NDUFA9: variants seen among roughly 807,000 people sequenced by gnomAD.
The protein encoded by NDUFA9 is NADH:ubiquinone oxidoreductase subunit A9, also known as NADH dehydrogenase [ubiquinone] 1 alpha subcomplex subunit 9, mitochondrial.
NDUFA9 carries 23 observed loss-of-function variants against 45.9 expected under a neutral mutation model. The observed-to-expected ratio is 0.50, with a 90% CI of 0.36 to 0.71. NDUFA9 has a LOEUF of 0.71. Ranked by LOEUF, NDUFA9 falls within the 30% of genes least tolerant of loss-of-function variation. The probability of loss-of-function intolerance (pLI) is 0.00; values close to 1 mark genes in which losing one functional copy is unlikely to be tolerated. For synonymous variants in NDUFA9, 176 were observed against 170.5 expected (o/e 1.03, Z -0.25); for missense variants, 466 against 488.2 (o/e 0.95, Z 0.43).
rs968058910 is a variant in NDUFA9 at position 4,691,345 on chromosome 12, C to T, written c.*4237C>T. ...TTTCCTGACTTAATAAAATAGCTGC[C>T]GTTCCTGAGAAGGAGGGATTCCTAT... On this transcript the variant is annotated 3_prime_UTR_variant, in exon 11 of 11. Transcript: ENST00000266544. 2.6e-5 allele frequency: 4 copies of T among 152,194 alleles called. No homozygotes were observed. The highest frequency in any genetic ancestry group is 4.4e-5 in the Non-Finnish European group (3 of 68,040). 9.4% of individuals were successfully genotyped at this position (152,194 alleles called of 1,614,324 possible).
chr12:4,669,186 T>TAG (rs1414693701), intron 7 of NDUFA9, among the ~76,000 whole-genome samples: 1 of 152,256 alleles, frequency 6.6e-6, no homozygotes, highest in Non-Finnish European at 1.5e-5. Flanking sequence ...TTCTAGCCAC[T>TAG]AGACGCCAGT....
intron 8 of NDUFA9, among the ~76,000 whole-genome samples, chr12:4,676,968 A>G (rs1460823887): frequency 1.3e-5 from 2 of 152,222 alleles, no homozygotes; most frequent in Non-Finnish European, 2.9e-5. Flanking sequence ...GACCAATGGG[A>G]CAGAACAGAG....
chr12:4,678,582 A>G (rs921227436), intron 8 of NDUFA9, among the ~76,000 whole-genome samples: 1 of 152,226 alleles, frequency 6.6e-6, no homozygotes, highest in Non-Finnish European at 1.5e-5. Flanking sequence ...TAGAATATAC[A>G]AAGAAATCTT....
At position 4,662,635 on chromosome 12, in the gene NDUFA9, A is replaced by G. The variant is rs767347095; in HGVS notation, c.655A>G (p.Ser219Gly). ...GGATAGATTCCTTAATTCTTTTGCAAGTACGTATTCTTTCTTAATGGTAGA... is the reference window on the plus strand; with the variant it reads ...GGATAGATTCCTTAATTCTTTTGCAGGTACGTATTCTTTCTTAATGGTAGA... ...REDRFLNSFA[S>G]MHRFGPIPLG... The change falls in exon 6 of 11, where the codon AGT (serine) becomes GGT (glycine). Residue 219 changes from serine (S) to glycine (G), a missense_variant and splice_region_variant. Ser to Gly is a moderately conservative substitution (Grantham distance 56). Transcript: ENST00000266544. 8.7e-6 allele frequency: 14 copies of G among 1,610,208 alleles called. No individual in the cohort carries two copies. The highest frequency in any genetic ancestry group is 1.2e-5 in the Non-Finnish European group (14 of 1,176,662).
At chr12:4,653,104 A>G (rs1438870927) in intron 1 of NDUFA9, among the ~76,000 whole-genome samples, 1 of 152,284 alleles carries the variant, frequency 6.6e-6, no homozygotes, top group Non-Finnish European at 1.5e-5. Flanking sequence ...TACTTACATG[A>G]AAGTTGAGCA....
rs991493101 is a variant in NDUFA9, at chr12:4,694,182, T to C, written c.*7074T>C. Reference sequence around the variant, plus strand: ...TAGACGTGTACATTGTGTCTTAGCGTAGATTCACCCGACCTCCTTCCCCAG... The same window carrying C: ...TAGACGTGTACATTGTGTCTTAGCGCAGATTCACCCGACCTCCTTCCCCAG... On this transcript the variant is annotated 3_prime_UTR_variant, in exon 11 of 11. Transcript: ENST00000266544. The C allele has an allele frequency of 1.3e-5, 2 of 152,234 alleles. No homozygotes were observed. Among genetic ancestry groups the C allele is most frequent in the African/African-American group, 4.8e-5 (2 of 41,462 alleles). 9.4% of individuals were successfully genotyped at this position (152,234 alleles called of 1,614,324 possible).
Position 4,689,082 on chromosome 12 carries a change from A to G in NDUFA9, c.*1974A>G, listed in dbSNP as rs1946004471. 6.6e-6 allele frequency: 1 copy of G among 152,188 alleles called. No homozygotes were observed. Among genetic ancestry groups the G allele is most frequent in the Non-Finnish European group, 1.5e-5 (1 of 68,032 alleles). The allele number at this position is 152,188 out of a possible 1,614,324, so 9.4% of individuals were successfully genotyped here. ...TGTAATTGGGATATCCATCACCTTA[A>G]ACATTTACCTTTATGCTAGTAACAT... On this transcript the variant is annotated 3_prime_UTR_variant, in exon 11 of 11. Coordinates refer to ENST00000266544, the MANE Select transcript of NDUFA9 (RefSeq NM_005002.5).
intron 1 of NDUFA9, 58 bp downstream of exon 1, chr12:4,649,233 T>A: frequency 1.9e-6 from 3 of 1,558,758 alleles, no homozygotes. Context: ...GGATTTAAGG[T>A]TTTGGAAGTG....
At chr12:4,659,337 A>ATGTTTTGT (rs1945810342) in intron 5 of NDUFA9, among the ~76,000 whole-genome samples, 160 bp downstream of exon 5, 1 of 146,092 alleles carries the variant, frequency 6.8e-6, no homozygotes, top group Admixed American at 6.9e-5. Context: ...TGATGTTTTG[A>ATGTTTTGT]CGTTTTGATT....
At chr12:4,685,878 T>A (rs3835026) in intron 10 of NDUFA9, among the ~76,000 whole-genome samples, 30,894 of 152,162 alleles carry the variant, frequency 0.2, 3,548 homozygotes, top group South Asian at 0.46. Context: ...CAAAATAAAA[T>A]AAAAATACTA....
intron 8 of NDUFA9, among the ~76,000 whole-genome samples, chr12:4,673,375 G>A (rs1485241088): frequency 2.0e-5 from 3 of 151,964 alleles, no homozygotes; most frequent in East Asian, 1.9e-4. Context: ...TGAGTTTGAC[G>A]ATTTGACAGA....
intron 6 of NDUFA9, among the ~76,000 whole-genome samples, chr12:4,665,270 C>A (rs1945846602): frequency 6.6e-6 from 1 of 152,230 alleles, no homozygotes; most frequent in African/African-American, 2.4e-5. Flanking sequence ...CAGCCCCTGG[C>A]AACTACCATT....
chr12:4,660,013 A>C (rs1295724961), intron 5 of NDUFA9, among the ~76,000 whole-genome samples: 1 of 152,220 alleles, frequency 6.6e-6, no homozygotes, highest in African/African-American at 2.4e-5. Flanking sequence ...TCATAAAATC[A>C]TCAGAATTTC....
rs1946015252 is a variant in NDUFA9, at chr12:4,690,844, A to C, written c.*3736A>C. ...AAACTCCATAGAAAACGGATTTTTA[A>C]AGCTGCATCTTGATGTTAACCTGCT... On this transcript the variant is annotated 3_prime_UTR_variant, in exon 11 of 11. Coordinates refer to ENST00000266544, the MANE Select transcript of NDUFA9 (RefSeq NM_005002.5). 1 of 152,234 alleles carries C rather than the reference A, an allele frequency of 6.6e-6. No homozygotes were observed. Among genetic ancestry groups the C allele is most frequent in the Non-Finnish European group, 1.5e-5 (1 of 68,042 alleles). 9.4% of individuals were successfully genotyped at this position (152,234 alleles called of 1,614,324 possible).
rs1297093188 is a variant in NDUFA9, at chr12:4,682,260, A to G, written c.856A>G (p.Arg286Gly). ...GAAGTACATCTTTGCTGTGGCTCAC[A>G]GATTGTTCCTCCCATTCCCCTTGCC... Reference protein sequence around the residue: ...LVKYIFAVAHRLFLPFPLPLF... With the variant: ...LVKYIFAVAHGLFLPFPLPLF... The change falls in exon 9 of 11, where the codon AGA becomes GGA. Residue 286 changes from arginine to glycine, a missense_variant. Arg to Gly is a moderately radical substitution (Grantham distance 125). Coordinates refer to ENST00000266544, the MANE Select transcript of NDUFA9 (RefSeq NM_005002.5). The G allele has an allele frequency of 6.2e-7, 1 of 1,613,286 alleles. No homozygotes were observed. Among genetic ancestry groups the G allele is most frequent in the Non-Finnish European group, 8.5e-7 (1 of 1,179,542 alleles).
At position 4,689,284 on chromosome 12, in the gene NDUFA9, T is replaced by C. The variant is rs1946005560; in HGVS notation, c.*2176T>C. The stretch of plus-strand genomic sequence containing the variant: ...TTGTATCATCTCAGGATGCTGTATA[T>C]TTCTTTTATTTTTTATTTTTTATTT... On this transcript the variant is annotated 3_prime_UTR_variant, in exon 11 of 11. Transcript: ENST00000266544. The C allele has an allele frequency of 6.6e-6, 1 of 150,652 alleles. No individual in the cohort carries two copies. Among genetic ancestry groups the C allele is most frequent in the Admixed American group, 6.6e-5 (1 of 15,134 alleles). 9.3% of individuals were successfully genotyped at this position (150,652 alleles called of 1,614,324 possible). A position where few individuals can be genotyped will look rare whatever the true frequency, so the allele number is the denominator to read the frequency against.
rs141660116 is a variant in NDUFA9 at position 4,680,700 on chromosome 12, A to G, written c.801-1505A>G. Among the ~76,000 whole-genome samples the G allele has an allele frequency of 2.3e-3, 344 of 152,264 alleles. 1 individual carries two copies. The highest frequency in any genetic ancestry group is 2.5e-3 in the Non-Finnish European group (172 of 68,016). On this transcript the variant is annotated intron_variant, in intron 8 of 10. Transcript: ENST00000266544. ...CCTCTGGAATTTGAAGAACCCTGCT[A>G]AGGCCTTTGTCTGATATTTCTCCTG... is the stretch of plus-strand genomic sequence containing the variant.
chr12:4,690,129 T>C lies in NDUFA9; in HGVS notation c.*3021T>C, dbSNP rs892252456. On this transcript the variant is annotated 3_prime_UTR_variant, in exon 11 of 11. Transcript: ENST00000266544. ...GCTGAGTCTCCATTTATAGGGGCTG[T>C]CCCCATAGAGACTTCAAGCCACACC... The C allele has an allele frequency of 6.6e-6, 1 of 152,258 alleles. No homozygotes were observed. The highest frequency in any genetic ancestry group is 6.5e-5 in the Admixed American group (1 of 15,274). 9.4% of individuals were successfully genotyped at this position (152,258 alleles called of 1,614,324 possible).
At chr12:4,671,004 G>A (rs973254743) in intron 8 of NDUFA9, among the ~76,000 whole-genome samples, 4 of 152,124 alleles carry the variant, frequency 2.6e-5, no homozygotes, top group Admixed American at 6.5e-5. Flanking sequence ...CTTGTTTGGC[G>A]TAACGATGGG....
Sources: gnomAD v4.1 joint callset for allele counts (sites outside exome capture counted in the v4.1 genomes callset) on GRCh38, gnomAD v4.1.1 for gene constraint, MANE v1.5 for transcripts, NCBI Gene and HGNC (gene_info 2026-07-23, HGNC 2026-07-21) for gene names.